PIK3CD: variants seen among roughly 807,000 people sequenced by gnomAD.
PIK3CD encodes the protein phosphatidylinositol 4,5-bisphosphate 3-kinase catalytic subunit delta isoform.
A neutral mutation model predicts 122.9 loss-of-function variants in PIK3CD; 20 were observed. That is an observed-to-expected ratio of 0.16 (90% CI 0.11 to 0.24). PIK3CD has a LOEUF of 0.24. Among genes scored for constraint, PIK3CD ranks in the 10% least tolerant of loss-of-function variants. The pLI is 1.00. For missense variants in PIK3CD, 787 were observed against 1,406.3 expected (o/e 0.56, Z 7.04); for synonymous variants, 596 against 593.4 (o/e 1.00, Z -0.06).
intron 2 of PIK3CD, among the ~76,000 whole-genome samples, chr1:9,705,278 C>G (rs1004722351): frequency 1.4e-5 from 2 of 143,394 alleles, no homozygotes; most frequent in African/African-American, 5.2e-5. Context: ...TGGGACCAGT[C>G]TCTACTAAAA....
chr1:9,689,883 G>A lies in PIK3CD; in HGVS notation c.-137-1584G>A, dbSNP rs1381547101. On this transcript the variant is annotated intron_variant, in intron 1 of 23. Transcript: ENST00000377346. The surrounding 1 kb of genome is among the most constrained non-coding windows in gnomAD (Gnocchi z 6.1). ...GTCCGGGGCCGTGGGGGCTTGGGGGGCCGAGGCAGGGGGTTGCGTTCGCGG... is the reference window on the plus strand; with the variant it reads ...GTCCGGGGCCGTGGGGGCTTGGGGGACCGAGGCAGGGGGTTGCGTTCGCGG... Among the ~76,000 whole-genome samples the A allele has an allele frequency of 6.6e-6, 1 of 151,916 alleles. No homozygotes were observed. The highest frequency in any genetic ancestry group is 2.4e-5 in the African/African-American group (1 of 41,422).
chr1:9,716,098 G>A lies in PIK3CD; in HGVS notation c.600+20G>A, dbSNP rs756451039. On this transcript the variant is annotated intron_variant, in intron 5 of 23. Coordinates refer to ENST00000377346, the MANE Select transcript of PIK3CD (RefSeq NM_005026.5). ...AGCGAGGTGAGCCCATGCGTGGCCT[G>A]CGGCATCCAGGCTGCTCTGTCCATG... 6 of 1,589,694 alleles carry A rather than the reference G, an allele frequency of 3.8e-6. No individual in the cohort carries two copies. Among genetic ancestry groups the A allele is most frequent in the Non-Finnish European group, 5.2e-6 (6 of 1,161,552 alleles).
At chr1:9,644,709 G>T in the PIK3CD span, among the ~76,000 whole-genome samples, 1 of 151,876 alleles carries the variant, frequency 6.6e-6, no homozygotes, top group Non-Finnish European at 1.5e-5. Context: ...CCTTTGAATT[G>T]TCAAAAAAAA....
At chr1:9,690,670 G>A (rs1011744107) in intron 1 of PIK3CD, among the ~76,000 whole-genome samples, 4 of 152,208 alleles carry the variant, frequency 2.6e-5, no homozygotes, top group Middle Eastern at 3.2e-3. Context: ...GAGGACTCCA[G>A]CTTGGTCCTT....
intron 2 of PIK3CD, among the ~76,000 whole-genome samples, chr1:9,709,769 G>A (rs1264276110): frequency 1.3e-5 from 2 of 152,128 alleles, no homozygotes; most frequent in Non-Finnish European, 2.9e-5. Flanking sequence ...AACTTTGGGA[G>A]GCCGAGGTGG....
chr1:9,636,363 T>G, the PIK3CD span, among the ~76,000 whole-genome samples: 2 of 152,122 alleles, frequency 1.3e-5, no homozygotes, highest in African/African-American at 2.4e-5. Context: ...CTGGATAATT[T>G]TTGTATTTTT....
In PIK3CD at chr1:9,701,999, G is replaced by GTTTT. The variant is rs1287911748; in HGVS notation, c.-32-8415_-32-8412dup. Reference sequence around the variant, plus strand: ...GTAGCATCTTGTTTTTGTTTTTTTGGTTTTTTTTTTTTTGAGATGGAGTCT... The same window carrying GTTTT: ...GTAGCATCTTGTTTTTGTTTTTTTGGTTTTTTTTTTTTTTTTTGAGATGGAGTCT... On this transcript the variant is annotated intron_variant, in intron 2 of 23. Transcript: ENST00000377346. 4.9e-5 allele frequency among the ~76,000 whole-genome samples: 7 copies of GTTTT among 143,320 alleles called. No homozygotes were observed. In the East Asian group the frequency reaches 1.4e-3, roughly 29 times the overall value. The allele number at this position is 143,320 out of a possible 152,430, so 94.0% of individuals were successfully genotyped here.
intron 3 of PIK3CD, among the ~76,000 whole-genome samples, chr1:9,711,386 C>T (rs1272856472): frequency 1.3e-5 from 2 of 152,278 alleles, no homozygotes; most frequent in South Asian, 2.1e-4. Context: ...TGAGTCACCG[C>T]GCCCGACCCA....
rs1648349880 is a variant in PIK3CD, at chr1:9,720,424, G to A, written c.1470+182G>A. On this transcript the variant is annotated intron_variant, in intron 11 of 23. Transcript: ENST00000377346. This position sits in a 1 kb window ranked among gnomAD's most constrained non-coding sequence, Gnocchi z 9.0. ...GCTGCGCAGTCTGATGACATTTTCG[G>A]TTGTCACAGCTGCCAGGAGGGATGC... 5 of 1,400,088 alleles carry A rather than the reference G, an allele frequency of 3.6e-6. No individual in the cohort carries two copies. The Middle Eastern group carries it at 5.5e-4, about 155-fold the overall frequency. The allele number at this position is 1,400,088 out of a possible 1,614,324, so 86.7% of individuals were successfully genotyped here. A position where few individuals can be genotyped will look rare whatever the true frequency, so the allele number is the denominator to read the frequency against.
intron 2 of PIK3CD, among the ~76,000 whole-genome samples, chr1:9,708,561 A>T (rs187425943): frequency 1.8e-4 from 28 of 152,166 alleles, no homozygotes; most frequent in African/African-American, 2.9e-4. Flanking sequence ...AAAAACATGC[A>T]TGGACGTCGG....
intron 1 of PIK3CD, among the ~76,000 whole-genome samples, chr1:9,665,391 C>T (rs1645129135): frequency 6.6e-6 from 1 of 151,652 alleles, no homozygotes; most frequent in Non-Finnish European, 1.5e-5. Context: ...CCCTCCCCTA[C>T]TACAGGCGCA....
At chr1:9,666,897 G>A (rs1486644465) in intron 1 of PIK3CD, among the ~76,000 whole-genome samples, 3 of 148,414 alleles carry the variant, frequency 2.0e-5, no homozygotes, top group Non-Finnish European at 3.0e-5. Flanking sequence ...ATGGAGTCTC[G>A]CTCTGTTGCC....
At chr1:9,629,920 G>T in the PIK3CD span, among the ~76,000 whole-genome samples, 37 of 152,106 alleles carry the variant, frequency 2.4e-4, 1 homozygote, top group Admixed American at 1.3e-4. Flanking sequence ...CATGGGGTGA[G>T]GGGGGAGTGG....
At chr1:9,644,728 T>C in the PIK3CD span, among the ~76,000 whole-genome samples, 1 of 152,060 alleles carries the variant, frequency 6.6e-6, no homozygotes, top group Admixed American at 6.5e-5. Context: ...AATGAACTAG[T>C]TGCAGTGGAG....
Position 9,715,573 on chromosome 1 carries a change from C to T in PIK3CD, c.174C>T (p.Leu58=), listed in dbSNP as rs1286977475. Residue 58 remains leucine, a synonymous_variant, in exon 4 of 24, where the codon CTC becomes CTT. Coordinates refer to ENST00000377346, the MANE Select transcript of PIK3CD (RefSeq NM_005026.5). The surrounding 1 kb of genome is among the most constrained non-coding windows in gnomAD (Gnocchi z 4.1). ...GGCACCGCGCCCAGTATGAGCCGCT[C>T]TTCCACATGCTCAGTGGCCCCGAGG... ...LLWHRAQYEP[L]FHMLSGPEAY... 6.2e-7 allele frequency: 1 copy of T among 1,613,694 alleles called. No homozygotes were observed. Among genetic ancestry groups the T allele is most frequent in the South Asian group, 1.1e-5 (1 of 91,086 alleles).
the PIK3CD span, among the ~76,000 whole-genome samples, chr1:9,634,656 A>ACTC: frequency 2.0e-5 from 3 of 152,116 alleles, no homozygotes; most frequent in African/African-American, 7.2e-5. Context: ...AAATAGTTTA[A>ACTC]CTCATCTGTT....
chr1:9,661,404 T>C (rs1319249267), intron 1 of PIK3CD, among the ~76,000 whole-genome samples: 1 of 152,092 alleles, frequency 6.6e-6, no homozygotes, highest in Non-Finnish European at 1.5e-5. Flanking sequence ...TCTTTTCTTT[T>C]TCCTTATAGG....
intron 2 of PIK3CD, among the ~76,000 whole-genome samples, chr1:9,694,907 AG>A (rs1480094791): frequency 6.6e-6 from 1 of 152,144 alleles, no homozygotes; most frequent in African/African-American, 2.4e-5. Context: ...GGCTGCAGTG[AG>A]CCATGATCAT....
Position 9,724,290 on chromosome 1 carries a change from T to C in PIK3CD, c.2733T>C (p.Asp911=), listed in dbSNP as rs1649153598. The C allele has an allele frequency of 6.2e-7, 1 of 1,614,050 alleles. No homozygotes were observed. Among genetic ancestry groups the C allele is most frequent in the Non-Finnish European group, 8.5e-7 (1 of 1,180,052 alleles). The change falls in exon 22 of 24, where the codon GAT becomes GAC. Residue 911 remains aspartate, a synonymous_variant. Coordinates refer to ENST00000377346, the MANE Select transcript of PIK3CD (RefSeq NM_005026.5). This position sits in a 1 kb window ranked among gnomAD's most constrained non-coding sequence, Gnocchi z 7.3. The stretch of plus-strand genomic sequence containing the variant: ...CCTCCCCTCAGCTGTTCCACATTGA[T>C]TTTGGCCACTTTCTGGGGAATTTCA... ...IRESGQLFHI[D]FGHFLGNFKT...
Sources: gnomAD v4.1 joint callset for allele counts (sites outside exome capture counted in the v4.1 genomes callset) on GRCh38, gnomAD v4.1.1 for gene constraint, Gnocchi (gnomAD v3.1) non-coding constraint, MANE v1.5 for transcripts, NCBI Gene and HGNC (gene_info 2026-07-23, HGNC 2026-07-21) for gene names.